The following KALRN variants were observed in gnomAD, a reference collection of about 807,000 sequenced individuals.
The protein encoded by KALRN is kalirin.
KALRN carries 70 observed loss-of-function variants against 353.7 expected under a neutral mutation model. That is an observed-to-expected ratio of 0.20 (90% confidence interval 0.16 to 0.24). KALRN has a LOEUF of 0.24. KALRN is among the 10% of genes least tolerant of loss of function. The pLI is 1.00. For missense variants in KALRN, 2,791 were observed against 3,756.7 expected (o/e 0.74, Z 6.72); for synonymous variants, 1,391 against 1,434.8 (o/e 0.97, Z 0.69).
intron 18 of KALRN, among the ~76,000 whole-genome samples, chr3:124,439,241 G>C (rs1452166139): frequency 2.6e-5 from 3 of 117,418 alleles, no homozygotes; most frequent in African/African-American, 1.2e-4. Flanking sequence ...CACACACGCA[G>C]CTTCAAACAT....
At chr3:124,485,709 G>A (rs374887811) in intron 28 of KALRN, among the ~76,000 whole-genome samples, 28 of 152,256 alleles carry the variant, frequency 1.8e-4, no homozygotes, top group African/African-American at 6.5e-4. Context: ...GTGAAACTCC[G>A]TCTCTACTGA....
chr3:124,232,974 AG>A (rs1320305608), intron 2 of KALRN, among the ~76,000 whole-genome samples: 4 of 152,104 alleles, frequency 2.6e-5, no homozygotes, highest in Non-Finnish European at 4.4e-5. Context: ...GTGAATAGGA[AG>A]TTTGGAAAGT....
chr3:124,332,810 C>T (rs899149798), intron 8 of KALRN, among the ~76,000 whole-genome samples: 1 of 151,526 alleles, frequency 6.6e-6, no homozygotes, highest in African/African-American at 2.4e-5. Context: ...AGAAAGGGCT[C>T]GTATAGAGCG....
chr3:124,381,641 C>T (rs2087397231), intron 10 of KALRN, among the ~76,000 whole-genome samples: 1 of 152,114 alleles, frequency 6.6e-6, no homozygotes, highest in African/African-American at 2.4e-5. Flanking sequence ...CTGACTTATC[C>T]AACCTGATTT....
At chr3:124,290,191 A>G (rs1668787707) in intron 5 of KALRN, among the ~76,000 whole-genome samples, 1 of 152,172 alleles carries the variant, frequency 6.6e-6, no homozygotes, top group African/African-American at 2.4e-5. Flanking sequence ...TTACAAGTCT[A>G]GAGACTTGTG....
rs1466404690 is a variant in KALRN at position 124,398,566 on chromosome 3, A to T, written c.2172-131A>T. ...TCAGGCTCACAGCAGGAGTTTGATA[A>T]ATGTCTGTTGATTGAATGACTCAAC... On this transcript the variant is annotated intron_variant, in intron 12 of 59. Coordinates refer to ENST00000682506, the MANE Select transcript of KALRN (RefSeq NM_001388419.1). The T allele has an allele frequency of 1.1e-5, 10 of 890,760 alleles. No individual in the cohort carries two copies. In the Admixed American group the frequency reaches 1.7e-4, roughly 15 times the overall value. 55.2% of individuals were successfully genotyped at this position (890,760 alleles called of 1,614,324 possible). A position where few individuals can be genotyped will look rare whatever the true frequency, so the allele number is the denominator to read the frequency against.
At chr3:124,480,037 G>A (rs2061830888) in intron 27 of KALRN, among the ~76,000 whole-genome samples, 1 of 152,158 alleles carries the variant, frequency 6.6e-6, no homozygotes, top group Non-Finnish European at 1.5e-5. Flanking sequence ...CAGAATGTTT[G>A]ACCCATCACA....
At chr3:124,527,376 A>C (rs1003626244) in intron 33 of KALRN, among the ~76,000 whole-genome samples, 1 of 152,074 alleles carries the variant, frequency 6.6e-6, no homozygotes, top group Admixed American at 6.6e-5. Context: ...TAGGGAGGCC[A>C]AGGCAGGAGG....
At chr3:124,192,948 G>A (rs946954146) in intron 1 of KALRN, among the ~76,000 whole-genome samples, 4 of 152,172 alleles carry the variant, frequency 2.6e-5, no homozygotes, top group African/African-American at 4.8e-5. Context: ...TATTAAACTA[G>A]GCATTGTTTG....
chr3:124,428,388 T>C (rs1416915239), intron 15 of KALRN, among the ~76,000 whole-genome samples: 1 of 152,170 alleles, frequency 6.6e-6, no homozygotes, highest in African/African-American at 2.4e-5. Context: ...ACTTTACATT[T>C]TACACATTGT....
At chr3:124,270,249 G>C (rs944753703) in intron 5 of KALRN, among the ~76,000 whole-genome samples, 24 of 152,168 alleles carry the variant, frequency 1.6e-4, no homozygotes, top group African/African-American at 5.3e-4. Flanking sequence ...TCAGTAACCT[G>C]TGAATTTTAC....
intron 1 of KALRN, among the ~76,000 whole-genome samples, chr3:124,041,824 G>A (rs2039998494): frequency 6.6e-6 from 1 of 152,184 alleles, no homozygotes. Flanking sequence ...GATCAATAGA[G>A]CTGCTTGAAA....
At chr3:124,512,274 G>A (rs2065994641) in intron 33 of KALRN, among the ~76,000 whole-genome samples, 1 of 152,146 alleles carries the variant, frequency 6.6e-6, no homozygotes, top group African/African-American at 2.4e-5. Context: ...CGCAATACAG[G>A]GCTTACCTGA....
intron 2 of KALRN, among the ~76,000 whole-genome samples, chr3:124,231,850 A>T (rs1011008784): frequency 2.6e-5 from 4 of 152,056 alleles, no homozygotes; most frequent in Admixed American, 1.3e-4. Flanking sequence ...CTTATTATTC[A>T]TCTCTGCTTA....
At chr3:124,459,506 C>T (rs1441273807) in intron 23 of KALRN, among the ~76,000 whole-genome samples, 1 of 152,188 alleles carries the variant, frequency 6.6e-6, no homozygotes, top group African/African-American at 2.4e-5. Flanking sequence ...AAAGTCCTGA[C>T]TCCAGGTAGG....
At chr3:124,043,332 G>GT (rs989545698) in intron 1 of KALRN, among the ~76,000 whole-genome samples, 50 of 151,892 alleles carry the variant, frequency 3.3e-4, no homozygotes, top group African/African-American at 9.2e-4. Context: ...TTGAGGGGAG[G>GT]TTTTTTTTAG....
At chr3:124,236,992 G>GT (rs773526007) in intron 3 of KALRN, among the ~76,000 whole-genome samples, 3 of 152,188 alleles carry the variant, frequency 2.0e-5, no homozygotes, top group Non-Finnish European at 2.9e-5. Flanking sequence ...CATGAAGAGT[G>GT]TAAGTGCCTG....
intron 1 of KALRN, among the ~76,000 whole-genome samples, chr3:124,044,008 T>C (rs1307220116): frequency 6.6e-6 from 1 of 152,120 alleles, no homozygotes; most frequent in Non-Finnish European, 1.5e-5. Flanking sequence ...TGCTCATGAA[T>C]TTCCAGTTTC....
At chr3:124,271,969 G>A (rs2074215473) in intron 5 of KALRN, among the ~76,000 whole-genome samples, 1 of 152,154 alleles carries the variant, frequency 6.6e-6, no homozygotes, top group Admixed American at 6.5e-5. Flanking sequence ...CTTATAAGTG[G>A]GAGGTAATCA....
Sources: gnomAD v4.1 joint callset for allele counts (sites outside exome capture counted in the v4.1 genomes callset) on GRCh38, gnomAD v4.1.1 for gene constraint, MANE v1.5 for transcripts, NCBI Gene and HGNC (gene_info 2026-07-23, HGNC 2026-07-21) for gene names.